The following ASXL3 variants were observed in gnomAD, a reference collection of about 807,000 sequenced individuals.
ASXL3 encodes the protein ASXL transcriptional regulator 3.
In ASXL3, 34 loss-of-function variants were observed where a neutral mutation model predicts 170.6. The ratio of observed to expected loss-of-function variants is 0.20; its 90% CI spans 0.15 to 0.27. The LOEUF (loss-of-function observed/expected upper bound fraction) is 0.27. ASXL3 is among the 10% of genes least tolerant of loss of function. ASXL3 has a pLI of 1.00. For synonymous variants in ASXL3, 1,002 were observed against 989.1 expected (o/e 1.01, Z -0.24); for missense variants, 2,592 against 2,695.3 (o/e 0.96, Z 0.85).
chr18:33,739,315 A>G lies in ASXL3; in HGVS notation c.1911A>G (p.Glu637=). The G allele has an allele frequency of 6.2e-7, 1 of 1,613,570 alleles. No individual in the cohort carries two copies. The highest frequency in any genetic ancestry group is 8.5e-7 in the Non-Finnish European group (1 of 1,179,668). The change falls in exon 11 of 12, where the codon GAA becomes GAG. Residue 637 remains glutamate, a synonymous_variant. Coordinates refer to ENST00000269197, the MANE Select transcript of ASXL3 (RefSeq NM_030632.3). ...SPGGETQSTS[E]ESCTPASLET... is the part of the protein sequence containing the mutation. ...GAGGGGAAACACAGTCCACATCAGA[A>G]GAATCATGTACTCCAGCCTCCCTTG...
At chr18:33,597,223 C>T (rs538702070) in intron 1 of ASXL3, among the ~76,000 whole-genome samples, 233 of 152,024 alleles carry the variant, frequency 1.5e-3, no homozygotes, top group Non-Finnish European at 2.5e-3. Flanking sequence ...CAATTATTAA[C>T]GCTAATATTT....
intron 4 of ASXL3, among the ~76,000 whole-genome samples, chr18:33,657,344 T>C (rs11663710): frequency 7.9e-5 from 12 of 152,038 alleles, no homozygotes; most frequent in Non-Finnish European, 1.8e-4. Flanking sequence ...AGGCTGAGAA[T>C]TGGGAGGCTG....
At chr18:33,579,334 CGT>C (rs2064973697) in intron 1 of ASXL3, among the ~76,000 whole-genome samples, 1 of 151,992 alleles carries the variant, frequency 6.6e-6, no homozygotes, top group Non-Finnish European at 1.5e-5. Flanking sequence ...ATTCTGTGCA[CGT>C]GTGTGCAATT....
Position 33,738,863 on chromosome 18 carries a change from C to T in ASXL3, c.1459C>T (p.His487Tyr), listed in dbSNP as rs755895443. ...GGAGGCTGAAAGTCTAACCAATTCTCATGAAGAACCCCAAATAGCACCTCC... is the reference window on the plus strand; with the variant it reads ...GGAGGCTGAAAGTCTAACCAATTCTTATGAAGAACCCCAAATAGCACCTCC... ...SEEAESLTNS[H>Y]EEPQIAPPED... Residue 487 changes from histidine to tyrosine, a missense_variant, in exon 11 of 12, where the codon CAT (histidine) becomes TAT (tyrosine). Physicochemically the swap from His to Tyr is moderately conservative, Grantham distance 83. This residue lies in a region of ASXL3 where 2,246 missense variants were observed against 2,219.6 expected (regional missense o/e 1.01). Coordinates refer to ENST00000269197, the MANE Select transcript of ASXL3 (RefSeq NM_030632.3). The T allele has an allele frequency of 1.2e-5, 19 of 1,613,554 alleles. No individual in the cohort carries two copies. Among genetic ancestry groups the T allele is most frequent in the Non-Finnish European group, 1.6e-5 (19 of 1,179,806 alleles).
intron 7 of ASXL3, among the ~76,000 whole-genome samples, chr18:33,677,311 C>T (rs1003482101): frequency 1.3e-5 from 2 of 152,102 alleles, no homozygotes; most frequent in African/African-American, 4.8e-5. Context: ...TAATTATCTC[C>T]AGTGCATTAT....
intron 8 of ASXL3, among the ~76,000 whole-genome samples, chr18:33,728,256 C>CTAAG (rs1002470421): frequency 9.2e-5 from 14 of 152,136 alleles, no homozygotes; most frequent in African/African-American, 2.9e-4. Context: ...AAGACAAAAT[C>CTAAG]TAAGTCCTCA....
At chr18:33,717,195 C>CA (rs1181245159) in intron 8 of ASXL3, among the ~76,000 whole-genome samples, 1 of 152,072 alleles carries the variant, frequency 6.6e-6, no homozygotes, top group Non-Finnish European at 1.5e-5. Context: ...ATAATAGTGA[C>CA]AGTAGAGGTC....
At chr18:33,702,871 T>C (rs2066898580) in intron 8 of ASXL3, among the ~76,000 whole-genome samples, 1 of 152,172 alleles carries the variant, frequency 6.6e-6, no homozygotes, top group South Asian at 2.1e-4. Flanking sequence ...AGGGAGATAA[T>C]AATCACTGCT....
intron 2 of ASXL3, chr18:33,625,874 T>G (rs2065594564): frequency 1.3e-5 from 2 of 152,156 alleles, no homozygotes; most frequent in African/African-American, 4.8e-5. Flanking sequence ...ATGAGCATTT[T>G]TATAGATAGC....
chr18:33,733,802 T>G (rs35580254), intron 9 of ASXL3, among the ~76,000 whole-genome samples: 5,974 of 152,272 alleles, frequency 0.039, 223 homozygotes, highest in African/African-American at 0.092. Context: ...TTAATTACTT[T>G]ATAAAAGCCT....
intron 2 of ASXL3, among the ~76,000 whole-genome samples, chr18:33,626,070 T>C (rs914273303): frequency 3.3e-5 from 5 of 151,952 alleles, no homozygotes; most frequent in African/African-American, 9.7e-5. Flanking sequence ...GGAAAGGAAA[T>C]AGTCCTCAGT....
At chr18:33,698,279 C>G (rs772330772) in intron 8 of ASXL3, among the ~76,000 whole-genome samples, 9 of 152,126 alleles carry the variant, frequency 5.9e-5, no homozygotes, top group Non-Finnish European at 1.3e-4. Flanking sequence ...ATATCCTTTA[C>G]CAGATATCAC....
intron 8 of ASXL3, among the ~76,000 whole-genome samples, chr18:33,689,975 A>G (rs574286784): frequency 1.3e-5 from 2 of 152,248 alleles, no homozygotes; most frequent in African/African-American, 4.8e-5. Flanking sequence ...ACAAGAGCCC[A>G]CTAAAGCTGG....
At chr18:33,682,506 C>G (rs1474282090) in intron 7 of ASXL3, among the ~76,000 whole-genome samples, 1 of 152,066 alleles carries the variant, frequency 6.6e-6, no homozygotes, top group Non-Finnish European at 1.5e-5. Context: ...GTGGAATCAT[C>G]CTGCAGAGCA....
intron 1 of ASXL3, among the ~76,000 whole-genome samples, chr18:33,582,636 T>C (rs1461812882): frequency 1.3e-5 from 2 of 152,164 alleles, no homozygotes; most frequent in Non-Finnish European, 2.9e-5. Context: ...GTAACATGGC[T>C]GATTTATTTA....
chr18:33,714,838 G>A (rs1427032594), intron 8 of ASXL3, among the ~76,000 whole-genome samples: 1 of 151,834 alleles, frequency 6.6e-6, no homozygotes, highest in Non-Finnish European at 1.5e-5. Flanking sequence ...TGTTTAAATT[G>A]GCTTATTAGT....
chr18:33,717,030 G>A (rs1334772933), intron 8 of ASXL3, among the ~76,000 whole-genome samples: 2 of 151,814 alleles, frequency 1.3e-5, no homozygotes, highest in East Asian at 1.9e-4. Flanking sequence ...CCAGATTCTC[G>A]TTCCCTATAC....
chr18:33,697,530 C>A (rs574116304), intron 8 of ASXL3, among the ~76,000 whole-genome samples: 1 of 152,082 alleles, frequency 6.6e-6, no homozygotes, highest in Non-Finnish European at 1.5e-5. Flanking sequence ...TAGGCAGAAC[C>A]AGATTTGTGC....
intron 2 of ASXL3, among the ~76,000 whole-genome samples, chr18:33,640,996 G>A (rs1473921637): frequency 6.6e-6 from 1 of 151,858 alleles, no homozygotes; most frequent in African/African-American, 2.4e-5. Context: ...TTTAATATAT[G>A]TATTACTGAA....
Sources: gnomAD v4.1 joint callset for allele counts (sites outside exome capture counted in the v4.1 genomes callset) on GRCh38, gnomAD v4.1.1 for gene constraint, gnomAD v4.1.1 regional missense constraint, MANE v1.5 for transcripts, NCBI Gene and HGNC (gene_info 2026-07-23, HGNC 2026-07-21) for gene names.